Variants in EYS observed in about 807,000 individuals in gnomAD.
The protein encoded by EYS is EGF-like photoreceptor maintenance factor.
EYS carries 250 observed loss-of-function variants against 282.1 expected under a neutral mutation model. The observed-to-expected ratio is 0.89, with a 90% CI of 0.80 to 0.98. EYS has a LOEUF of 0.98. EYS is among the 50% of genes least tolerant of loss of function. The pLI is 0.00. For synonymous variants in EYS, 1,355 were observed against 1,282.9 expected (o/e 1.06, Z -1.20); for missense variants, 4,016 against 3,709.0 (o/e 1.08, Z -2.15).
At chr6:64,558,903 A>G (rs1765316216) in intron 26 of EYS, among the ~76,000 whole-genome samples, 1 of 152,184 alleles carries the variant, frequency 6.6e-6, no homozygotes, top group African/African-American at 2.4e-5. Context: ...CTATGATCAC[A>G]TGACAAGGCA....
chr6:64,840,789 A>G (rs1765540654), intron 19 of EYS, among the ~76,000 whole-genome samples: 1 of 152,056 alleles, frequency 6.6e-6, no homozygotes, highest in African/African-American at 2.4e-5. Context: ...GATCTTTATC[A>G]CTAGAATGTA....
chr6:64,465,383 C>A (rs926019867), intron 26 of EYS, among the ~76,000 whole-genome samples: 1 of 152,100 alleles, frequency 6.6e-6, no homozygotes, highest in Admixed American at 6.6e-5. Flanking sequence ...CTATAATAAT[C>A]AAGACAGCAA....
intron 12 of EYS, among the ~76,000 whole-genome samples, chr6:65,100,012 T>C (rs1774848367): frequency 6.6e-6 from 1 of 150,824 alleles, no homozygotes; most frequent in Admixed American, 6.6e-5. Flanking sequence ...AAAAACTAGA[T>C]TGAATATTCT....
chr6:63,734,942 C>T (rs913821004), intron 41 of EYS, among the ~76,000 whole-genome samples: 2 of 152,012 alleles, frequency 1.3e-5, no homozygotes, highest in Non-Finnish European at 2.9e-5. Context: ...ATTTGACCTT[C>T]CCAATATGCA....
chr6:65,010,368 A>C (rs542543462), intron 13 of EYS, among the ~76,000 whole-genome samples: 1 of 152,358 alleles, frequency 6.6e-6, no homozygotes, highest in East Asian at 1.9e-4. Context: ...TGGCTGTCAG[A>C]CAACCATTTA....
chr6:64,720,415 A>G (rs1299718796), intron 22 of EYS, among the ~76,000 whole-genome samples: 2 of 152,192 alleles, frequency 1.3e-5, no homozygotes. Context: ...TGCCCTGTAA[A>G]GTAGAATATT....
At chr6:64,127,406 G>T (rs1217965806) in intron 31 of EYS, among the ~76,000 whole-genome samples, 1 of 152,116 alleles carries the variant, frequency 6.6e-6, no homozygotes, top group African/African-American at 2.4e-5. Flanking sequence ...TTCATTGGAA[G>T]ATACTTTTAA....
chr6:63,914,771 G>C (rs1443165882), intron 35 of EYS, among the ~76,000 whole-genome samples: 1 of 151,014 alleles, frequency 6.6e-6, no homozygotes, highest in Non-Finnish European at 1.5e-5. Context: ...GCAAGTTTTA[G>C]TGGTCTGGAT....
chr6:64,230,700 C>A lies in EYS; in HGVS notation c.6316G>T (p.Asp2106Tyr), dbSNP rs369266984. 51 of 1,551,432 alleles carry A rather than the reference C, an allele frequency of 3.3e-5. No individual in the cohort carries two copies. Among genetic ancestry groups the A allele is most frequent in the Non-Finnish European group, 4.4e-5 (51 of 1,146,896 alleles). The change falls in exon 31 of 43, where the codon GAT becomes TAT. Residue 2106 changes from aspartate to tyrosine, a missense_variant. Physicochemically the swap from Asp to Tyr is radical, Grantham distance 160. Transcript: ENST00000503581. ...SVAAPSVCQQDVCHNGGTCHA... is the reference protein window; with the variant it reads ...SVAAPSVCQQYVCHNGGTCHA... ...CATGTGCCTCCATTGTGGCATACAT[C>A]CTGCTGGCACACAGAGGGTGCTGCA...
At chr6:65,437,051 G>A (rs372117724) in intron 5 of EYS, among the ~76,000 whole-genome samples, 1 of 152,072 alleles carries the variant, frequency 6.6e-6, no homozygotes, top group Admixed American at 6.6e-5. Flanking sequence ...GTGTAAGCTG[G>A]CTGATTGGTA....
intron 29 of EYS, among the ~76,000 whole-genome samples, chr6:64,317,421 A>G (rs1192924111): frequency 1.3e-5 from 1 of 78,730 alleles, no homozygotes; most frequent in East Asian, 2.6e-4. Context: ...CACCAAACAG[A>G]TGAAAAAAAG....
chr6:65,503,378 T>C (rs1198706647), intron 2 of EYS, among the ~76,000 whole-genome samples: 1 of 151,698 alleles, frequency 6.6e-6, no homozygotes, highest in Non-Finnish European at 1.5e-5. Flanking sequence ...TTATCAGATA[T>C]GTGTTTTGCC....
intron 22 of EYS, among the ~76,000 whole-genome samples, chr6:64,726,370 C>A (rs1209557070): frequency 1.3e-5 from 2 of 152,114 alleles, no homozygotes; most frequent in African/African-American, 4.8e-5. Flanking sequence ...CATTGCCTAG[C>A]ACTGGAGTTT....
At chr6:65,405,424 G>T in intron 5 of EYS, 57 bp from the exon 6 acceptor site, 1 of 1,381,928 alleles carries the variant, frequency 7.2e-7, no homozygotes, top group Non-Finnish European at 1.0e-6. Flanking sequence ...AAGAAGAAAT[G>T]AGCATAGATA....
intron 11 of EYS, among the ~76,000 whole-genome samples, chr6:65,319,740 A>T (rs1342394864): frequency 6.6e-6 from 1 of 152,088 alleles, no homozygotes; most frequent in Non-Finnish European, 1.5e-5. Flanking sequence ...TTGCTAGGGG[A>T]GGTGAGTGTA....
chr6:63,882,315 A>AT (rs1247948728), intron 35 of EYS, among the ~76,000 whole-genome samples: 3 of 152,046 alleles, frequency 2.0e-5, no homozygotes, highest in Admixed American at 6.6e-5. Context: ...CTTCATACAA[A>AT]TTTTTTTTCA....
intron 2 of EYS, among the ~76,000 whole-genome samples, chr6:65,504,694 C>A (rs536161315): frequency 5.9e-5 from 9 of 151,338 alleles, no homozygotes; most frequent in Admixed American, 2.0e-4. Context: ...TGGTAGATTA[C>A]AATGATTAAT....
intron 31 of EYS, among the ~76,000 whole-genome samples, chr6:64,221,232 T>C (rs560857737): frequency 6.6e-6 from 1 of 152,176 alleles, no homozygotes; most frequent in Non-Finnish European, 1.5e-5. Flanking sequence ...CCAAAACATG[T>C]GTTGGAAACT....
chr6:63,958,004 CCT>C (rs1187583377), intron 35 of EYS, among the ~76,000 whole-genome samples: 5 of 140,372 alleles, frequency 3.6e-5, no homozygotes, highest in African/African-American at 1.2e-4. Context: ...CCATATTTAT[CCT>C]CTTTCTTGTT....
Sources: allele counts gnomAD v4.1 joint callset (sites outside exome capture counted in the v4.1 genomes callset), GRCh38; gene constraint gnomAD v4.1.1; transcripts MANE v1.5; gene names NCBI Gene and HGNC (gene_info 2026-07-23, HGNC 2026-07-21).